The following ZNFX1 variants were observed in gnomAD, a reference collection of about 807,000 sequenced individuals.
ZNFX1 encodes the protein zinc finger NFX1-type containing 1.
In ZNFX1, 78 loss-of-function variants were observed where a neutral mutation model predicts 179.8. The ratio of observed to expected loss-of-function variants is 0.43; its 90% confidence interval spans 0.36 to 0.52. The LOEUF (loss-of-function observed/expected upper bound fraction) is 0.52, where lower values mean the gene tolerates loss of function less well. ZNFX1 is among the 20% of genes least tolerant of loss of function. The probability of loss-of-function intolerance (pLI) is 0.00; values close to 1 mark genes in which losing one functional copy is unlikely to be tolerated. For synonymous variants in ZNFX1, 848 were observed against 868.5 expected (o/e 0.98, Z 0.42); for missense variants, 1,927 against 2,386.6 (o/e 0.81, Z 4.01).
At chr20:49,251,227 C>T (rs1980829350) in intron 13 of ZNFX1, among the ~76,000 whole-genome samples, 1 of 152,092 alleles carries the variant, frequency 6.6e-6, no homozygotes, top group Non-Finnish European at 1.5e-5. Context: ...ACTGCAACCT[C>T]CACCTCCTGG....
In ZNFX1 at chr20:49,271,315, G is replaced by C; in HGVS notation, c.497C>G (p.Thr166Arg). The stretch of plus-strand genomic sequence containing the variant: ...AAGGAGCTCTTTCAGCCCTAAACTT[G>C]TGGCAAGTGTGATGACCACCTCAGA... ...DPSEVVITLATSLGLKELLSH... is the reference protein window; with the variant it reads ...DPSEVVITLARSLGLKELLSH... Residue 166 changes from threonine to arginine, a missense_variant, in exon 3 of 14, where the codon ACA becomes AGA. Physicochemically the swap from Thr to Arg is moderately conservative, Grantham distance 71. Transcript: ENST00000396105. The C allele has an allele frequency of 1.2e-6, 2 of 1,614,150 alleles. No individual in the cohort carries two copies. Among genetic ancestry groups the C allele is most frequent in the Non-Finnish European group, 1.7e-6 (2 of 1,180,022 alleles).
rs866893654 is a variant in ZNFX1, at chr20:49,263,418, G to A, written c.2217C>T (p.Thr739=). ...ACTGTTCCCGTAGGACACCACGCAT[G>A]GTGCACTCCAGGGTCTTGGCTCCTT... ...LHEGAKTLEC[T]MRGVLREQYL... Residue 739 remains threonine, a synonymous_variant, in exon 6 of 14, where the codon ACC becomes ACT. Transcript: ENST00000396105. 6.2e-7 allele frequency: 1 copy of A among 1,612,798 alleles called. No individual in the cohort carries two copies. The highest frequency in any genetic ancestry group is 1.7e-4 in the Middle Eastern group (1 of 6,056).
chr20:49,256,797 C>T (rs1464112217), intron 8 of ZNFX1, among the ~76,000 whole-genome samples: 4 of 152,064 alleles, frequency 2.6e-5, no homozygotes, highest in Non-Finnish European at 5.9e-5. Context: ...CCAAAGTTGC[C>T]CTTGAAAGTT....
chr20:49,272,332 G>A (rs575600775), intron 2 of ZNFX1, among the ~76,000 whole-genome samples: 12 of 152,042 alleles, frequency 7.9e-5, no homozygotes, highest in African/African-American at 1.9e-4. Flanking sequence ...ACCTGCCACC[G>A]CGCCTGGCTA....
In ZNFX1 at chr20:49,271,599, C is replaced by T; in HGVS notation, c.213G>A (p.Arg71=). ...CTTGATGTGGGTTCCTGCCCATGGC[C>T]CTAAATCTCTCTTCCCTCTGCCAGT... is the stretch of plus-strand genomic sequence containing the variant. ...AAYWQREERF[R]AMGRNPHQGR... is the part of the protein sequence containing the mutation. The change falls in exon 3 of 14, where the codon AGG becomes AGA. Residue 71 remains arginine (R), a synonymous_variant. Coordinates refer to ENST00000396105, the MANE Select transcript of ZNFX1 (RefSeq NM_021035.3). 1 of 1,614,100 alleles carries T rather than the reference C, an allele frequency of 6.2e-7. No homozygotes were observed. Among genetic ancestry groups the T allele is most frequent in the Non-Finnish European group, 8.5e-7 (1 of 1,180,024 alleles).
rs1299216012 is a variant in ZNFX1 at position 49,247,892 on chromosome 20, T to C, written c.5132A>G (p.His1711Arg). ...CAGGGAATCCCACAGGCTGGCCAGG[T>C]GGTCATAGAAGCTGATGTAATTCTC... ...LVENYISFYDHLASLWDSLKK... is the reference protein window; with the variant it reads ...LVENYISFYDRLASLWDSLKK... The change falls in exon 14 of 14, where the codon CAC becomes CGC. Residue 1711 changes from histidine (H) to arginine (R), a missense_variant. Physicochemically the swap from His to Arg is conservative, Grantham distance 29. Coordinates refer to ENST00000396105, the MANE Select transcript of ZNFX1 (RefSeq NM_021035.3). 2 of 1,614,002 alleles carry C rather than the reference T, an allele frequency of 1.2e-6. No individual in the cohort carries two copies. The highest frequency in any genetic ancestry group is 1.7e-6 in the Non-Finnish European group (2 of 1,180,010).
rs1294293236 is a variant in ZNFX1, at chr20:49,255,234, G to A, written c.2804+574C>T. Among the ~76,000 whole-genome samples the A allele has an allele frequency of 7.9e-5, 12 of 151,910 alleles. No individual in the cohort carries two copies. The East Asian group carries it at 2.3e-3, about 29-fold the overall frequency. ...AATTTTTTGTGTTTTTAGTAGAGAC[G>A]GGGTTTCACTGTGTTAGCCAGGATG... On this transcript the variant is annotated intron_variant, in intron 9 of 13. Transcript: ENST00000396105.
At chr20:49,251,645 T>C in intron 12 of ZNFX1, 23 bp from the exon 13 acceptor site, 1 of 1,587,146 alleles carries the variant, frequency 6.3e-7, no homozygotes, top group Non-Finnish European at 8.6e-7. Flanking sequence ...ATGCATGTCA[T>C]TAGAAACATG....
In ZNFX1 at chr20:49,248,105, A is replaced by T; in HGVS notation, c.4919T>A (p.Leu1640Gln). 1 of 1,614,114 alleles carries T rather than the reference A, an allele frequency of 6.2e-7. No homozygotes were observed. Among genetic ancestry groups the T allele is most frequent in the Non-Finnish European group, 8.5e-7 (1 of 1,180,012 alleles). Residue 1640 changes from leucine to glutamine, a missense_variant, in exon 14 of 14, where the codon CTA becomes CAA. Leu to Gln is a moderately radical substitution (Grantham distance 113). Coordinates refer to ENST00000396105, the MANE Select transcript of ZNFX1 (RefSeq NM_021035.3). The surrounding 1 kb of genome is among the most constrained non-coding windows in gnomAD (Gnocchi z 4.6). ...LRYGTSIKQRLEEIEIIKEKI... is the reference protein window; with the variant it reads ...LRYGTSIKQRQEEIEIIKEKI... ...TTCCTTGATGATTTCAATCTCTTCT[A>T]GCCGCTGTTTTATGCTAGTTCCATA...
Position 49,247,910 on chromosome 20 carries a change from T to G in ZNFX1, c.5114A>C (p.Tyr1705Ser), listed in dbSNP as rs767824544. The G allele has an allele frequency of 3.1e-6, 5 of 1,614,184 alleles. 1 individual carries two copies. The highest frequency in any genetic ancestry group is 8.5e-7 in the Non-Finnish European group (1 of 1,180,032). The change falls in exon 14 of 14, where the codon TAC becomes TCC. Residue 1705 changes from tyrosine (Y) to serine (S), a missense_variant. Coordinates refer to ENST00000396105, the MANE Select transcript of ZNFX1 (RefSeq NM_021035.3). ...GGCCAGGTGGTCATAGAAGCTGATG[T>G]AATTCTCAACCAGACCCAGGTCCTT... ...SVKDLGLVENYISFYDHLASL... is the reference protein window; with the variant it reads ...SVKDLGLVENSISFYDHLASL...
In ZNFX1 at chr20:49,260,533, C is replaced by G; in HGVS notation, c.2346G>C (p.Met782Ile). The change falls in exon 7 of 14, where the codon ATG (methionine) becomes ATC (isoleucine). Residue 782 changes from methionine to isoleucine, a missense_variant. By Grantham distance (10) the Met-to-Ile change is conservative. Coordinates refer to ENST00000396105, the MANE Select transcript of ZNFX1 (RefSeq NM_021035.3). ...CGACACCAAGACCTAGCCACTCCAG[C>G]ATCATGGAATGCTTCCAGTGCTGGA... ...ICFQHWKHSM[M>I]LEWLGLGVGS... The G allele has an allele frequency of 6.2e-7, 1 of 1,613,210 alleles. No homozygotes were observed. Among genetic ancestry groups the G allele is most frequent in the Non-Finnish European group, 8.5e-7 (1 of 1,179,672 alleles).
rs914604113 is a variant in ZNFX1, at chr20:49,264,939, T to A, written c.2003-75A>T. On this transcript the variant is annotated intron_variant, in intron 4 of 13. Coordinates refer to ENST00000396105, the MANE Select transcript of ZNFX1 (RefSeq NM_021035.3). The stretch of plus-strand genomic sequence containing the variant: ...TTCTCTCAGGTGAGAGCTGTGTGTA[T>A]TTGGGATCTAGTCTGGTCCCTTAGA... 4.4e-6 allele frequency: 7 copies of A among 1,601,118 alleles called. No homozygotes were observed. The African/African-American group carries it at 9.4e-5, about 21-fold the overall frequency.
At chr20:49,257,690 G>T in intron 7 of ZNFX1, 26 bp from the exon 8 acceptor site, 1 of 1,570,942 alleles carries the variant, frequency 6.4e-7, no homozygotes, top group Non-Finnish European at 8.6e-7. Context: ...AGGCAGGAGA[G>T]AGATGAAAAC....
In ZNFX1 at chr20:49,255,875, C is replaced by A; in HGVS notation, c.2737G>T (p.Ala913Ser). 6.2e-7 allele frequency: 1 copy of A among 1,614,144 alleles called. No homozygotes were observed. Among genetic ancestry groups the A allele is most frequent in the Non-Finnish European group, 8.5e-7 (1 of 1,180,026 alleles). Reference protein sequence around the residue: ...DELRKLNTMTAAEANEIEDVW... With the variant: ...DELRKLNTMTSAEANEIEDVW... Reference sequence around the variant, plus strand: ...TCCTCGATCTCGTTGGCCTCGGCTGCAGTCATGGTGTTCAGTTTGCGAAGC... The same window carrying A: ...TCCTCGATCTCGTTGGCCTCGGCTGAAGTCATGGTGTTCAGTTTGCGAAGC... Residue 913 changes from alanine (A) to serine (S), a missense_variant, in exon 9 of 14, where the codon GCA becomes TCA. Physicochemically the swap from Ala to Ser is moderately conservative, Grantham distance 99 (BLOSUM62 1). Transcript: ENST00000396105.
intron 4 of ZNFX1, 56 bp downstream of exon 4, chr20:49,266,079 C>T (rs184389696): frequency 1.3e-6 from 2 of 1,574,456 alleles, no homozygotes; most frequent in Admixed American, 3.9e-5. Flanking sequence ...ACTGAAGTTG[C>T]TGATGGTTCA....
At chr20:49,264,589 G>T in intron 5 of ZNFX1, 127 bp downstream of exon 5, 1 of 1,186,022 alleles carries the variant, frequency 8.4e-7, no homozygotes. Flanking sequence ...AATGCTGAAA[G>T]GAACCTGGGT....
rs770074766 is a variant in ZNFX1 at position 49,247,719 on chromosome 20, G to T, written c.5305C>A (p.Leu1769Ile). The change falls in exon 14 of 14, where the codon CTT becomes ATT. Residue 1769 changes from leucine (L) to isoleucine (I), a missense_variant. By Grantham distance (5) the Leu-to-Ile change is conservative. Coordinates refer to ENST00000396105, the MANE Select transcript of ZNFX1 (RefSeq NM_021035.3). ...EIQRLTYLVN[L>I]LTRYKIAEKK... is the part of the protein sequence containing the mutation. ...TCTGCTATCTTGTAGCGGGTCAGAA[G>T]GTTCACCAGGTATGTGAGCCTCTGG... 36 of 1,614,094 alleles carry T rather than the reference G, an allele frequency of 2.2e-5. No homozygotes were observed. The highest frequency in any genetic ancestry group is 2.1e-5 in the Non-Finnish European group (25 of 1,180,042).
rs200999667 is a variant in ZNFX1 at position 49,247,252 on chromosome 20, T to G, written c.*15A>C. 234 of 1,586,322 alleles carry G rather than the reference T, an allele frequency of 1.5e-4. 1 individual carries two copies. In the East Asian group the frequency reaches 4.2e-3, roughly 28 times the overall value. On this transcript the variant is annotated 3_prime_UTR_variant, in exon 14 of 14. Coordinates refer to ENST00000396105, the MANE Select transcript of ZNFX1 (RefSeq NM_021035.3). The stretch of plus-strand genomic sequence containing the variant: ...ATTCAGTGGCGAGGGCAAAAGGCAG[T>G]GGTGTACCATCTTCCTACATCATCC...
At chr20:49,262,850 A>G (rs1981148003) in intron 6 of ZNFX1, among the ~76,000 whole-genome samples, 1 of 152,154 alleles carries the variant, frequency 6.6e-6, no homozygotes, top group East Asian at 1.9e-4. Context: ...TCAACTCCCA[A>G]GTTCTCTATC....
Sources: allele counts gnomAD v4.1 joint callset (sites outside exome capture counted in the v4.1 genomes callset), GRCh38; gene constraint gnomAD v4.1.1; non-coding constraint Gnocchi (gnomAD v3.1); transcripts MANE v1.5; gene names NCBI Gene and HGNC (gene_info 2026-07-23, HGNC 2026-07-21).